UTRN: variants seen among roughly 807,000 people sequenced by gnomAD.
UTRN encodes utrophin, also known as dystrophin-related protein 1.
In UTRN, 283 loss-of-function variants were observed where a neutral mutation model predicts 463.9. That is an observed-to-expected ratio of 0.61 (90% confidence interval 0.55 to 0.67). UTRN has a LOEUF of 0.67. Among genes scored for constraint, UTRN ranks in the 30% least tolerant of loss-of-function variants. The pLI, the probability that UTRN is intolerant of heterozygous loss-of-function variation, is 0.00. For missense variants in UTRN, 3,922 were observed against 4,084.3 expected, an observed-to-expected ratio of 0.96 and a Z score of 1.08; for synonymous variants, 1,442 against 1,431.5, an observed-to-expected ratio of 1.01 and a Z score of -0.17.
At chr6:144,561,730 G>A (rs1396718715) in intron 50 of UTRN, among the ~76,000 whole-genome samples, 1 of 152,090 alleles carries the variant, frequency 6.6e-6, no homozygotes, top group Non-Finnish European at 1.5e-5. Flanking sequence ...TTCTAAAGTG[G>A]AGAACATGTC....
intron 1 of UTRN, among the ~76,000 whole-genome samples, chr6:144,288,614 G>C (rs1803906965): frequency 6.6e-6 from 1 of 151,178 alleles, no homozygotes; most frequent in Admixed American, 6.6e-5. Flanking sequence ...TTATGTACTT[G>C]AATGAAAGAA....
chr6:144,499,385 A>C lies in UTRN; in HGVS notation c.4722A>C (p.Glu1574Asp), dbSNP rs752157733. 1.2e-5 allele frequency: 19 copies of C among 1,611,922 alleles called. No individual in the cohort carries two copies. Among genetic ancestry groups the C allele is most frequent in the Non-Finnish European group, 1.5e-5 (18 of 1,178,478 alleles). The change falls in exon 34 of 75, where the codon GAA becomes GAC. Residue 1574 changes from glutamate (E) to aspartate (D), a missense_variant. Transcript: ENST00000367545. ...AATTGGTACAGAAGTCCACTTCAGAAGGTCTGCTTGGTGACTTGGATACAG... is the reference window on the plus strand; with the variant it reads ...AATTGGTACAGAAGTCCACTTCAGACGGTCTGCTTGGTGACTTGGATACAG... ...ETELVQKSTS[E>D]GLLGDLDTEI... is the part of the protein sequence containing the mutation.
At position 144,781,936 on chromosome 6, in the gene UTRN, T is replaced by A; in HGVS notation, c.8647T>A (p.Leu2883Met). ...CTCCTGGTTAGTGGATCTCTTAGAG[T>A]TGAGTACAACAAATGAAATTTTCAA... ...QKALCLDLLELSTTNEIFKQH... is the reference protein window; with the variant it reads ...QKALCLDLLEMSTTNEIFKQH... The change falls in exon 61 of 75, where the codon TTG becomes ATG. Residue 2883 changes from leucine (L) to methionine (M), a missense_variant. Leu to Met is a conservative substitution (Grantham distance 15). Coordinates refer to ENST00000367545, the MANE Select transcript of UTRN (RefSeq NM_007124.3). 1 of 1,613,608 alleles carries A rather than the reference T, an allele frequency of 6.2e-7. No homozygotes were observed. Among genetic ancestry groups the A allele is most frequent in the Non-Finnish European group, 8.5e-7 (1 of 1,179,808 alleles).
At chr6:144,734,018 G>A (rs748825785) in intron 54 of UTRN, among the ~76,000 whole-genome samples, 8 of 152,072 alleles carry the variant, frequency 5.3e-5, no homozygotes, top group Non-Finnish European at 4.4e-5. Flanking sequence ...GAGTAAATAA[G>A]AGGTATAAAG....
intron 51 of UTRN, among the ~76,000 whole-genome samples, chr6:144,630,174 C>T (rs1009491346): frequency 6.6e-6 from 1 of 151,978 alleles, no homozygotes; most frequent in African/African-American, 2.4e-5. Flanking sequence ...GGTGACAGAG[C>T]GAGACTCCAT....
Position 144,350,934 on chromosome 6 carries a change from G to A in UTRN, c.80-52189G>A, listed in dbSNP as rs145848888. Among the ~76,000 whole-genome samples, 175 of 152,180 alleles carry A rather than the reference G, an allele frequency of 1.1e-3. 1 individual carries two copies. In the East Asian group the frequency reaches 0.027, roughly 23 times the overall value. ...TCTTTTTTTGGCTGATATGGAAGAC[G>A]TCATCATCCCAAACTGTGCTGAGAC... is the stretch of plus-strand genomic sequence containing the variant. On this transcript the variant is annotated intron_variant, in intron 2 of 74. Transcript: ENST00000367545.
chr6:144,535,569 A>G (rs1465432034), intron 43 of UTRN, among the ~76,000 whole-genome samples: 2 of 152,218 alleles, frequency 1.3e-5, no homozygotes, highest in Admixed American at 6.5e-5. Flanking sequence ...CTCTTCCCCA[A>G]CAGCTTATAT....
chr6:144,548,522 G>A (rs989141671), intron 46 of UTRN, 118 bp from the exon 47 acceptor site: 19 of 932,646 alleles, frequency 2.0e-5, no homozygotes, highest in Admixed American at 8.6e-5. Context: ...TAACCTCTTA[G>A]AATTTTTTTT....
At chr6:144,566,634 T>C (rs1168290025) in intron 50 of UTRN, among the ~76,000 whole-genome samples, 2 of 152,130 alleles carry the variant, frequency 1.3e-5, no homozygotes, top group Non-Finnish European at 2.9e-5. Flanking sequence ...CACTTCCTCA[T>C]TGAGGCAGTG....
intron 53 of UTRN, 22 bp downstream of exon 53, chr6:144,700,265 A>G (rs373467852): frequency 6.3e-7 from 1 of 1,588,096 alleles, no homozygotes; most frequent in African/African-American, 1.3e-5. Context: ...ACCTATAGTG[A>G]GTCGCTTAAT....
chr6:144,826,987 T>C (rs1306153378), intron 66 of UTRN, among the ~76,000 whole-genome samples: 1 of 152,218 alleles, frequency 6.6e-6, no homozygotes, highest in East Asian at 1.9e-4. Flanking sequence ...AACAAAAATA[T>C]GATTGCATCC....
chr6:144,849,937 ACTT>A (rs1782343612), intron 74 of UTRN, among the ~76,000 whole-genome samples: 1 of 152,118 alleles, frequency 6.6e-6, no homozygotes, highest in African/African-American at 2.4e-5. Context: ...TCCTCAAACC[ACTT>A]CTTTGAATTT....
At position 144,533,147 on chromosome 6, in the gene UTRN, T is replaced by C. The variant is rs1318315286; in HGVS notation, c.6120T>C (p.Asp2040=). 2 of 1,613,962 alleles carry C rather than the reference T, an allele frequency of 1.2e-6. No individual in the cohort carries two copies. Among genetic ancestry groups the C allele is most frequent in the Non-Finnish European group, 1.7e-6 (2 of 1,179,988 alleles). ...TTGCAGCACTAAACCGAACTGGGGA[T>C]GGGATTGTGCAGAAACTCTCCCAGG... ...PSFAALNRTG[D]GIVQKLSQAD... The change falls in exon 43 of 75, where the codon GAT becomes GAC. Residue 2040 remains aspartate (D), a synonymous_variant. Coordinates refer to ENST00000367545, the MANE Select transcript of UTRN (RefSeq NM_007124.3).
chr6:144,559,006 A>G (rs1458231117), intron 50 of UTRN, among the ~76,000 whole-genome samples: 2 of 152,126 alleles, frequency 1.3e-5, no homozygotes, highest in African/African-American at 4.8e-5. Context: ...CAAAAATTCC[A>G]TGTATAAGAG....
rs1184176095 is a variant in UTRN, at chr6:144,304,441, AG to A, written c.79+12536del. On this transcript the variant is annotated intron_variant, in intron 2 of 74. Coordinates refer to ENST00000367545, the MANE Select transcript of UTRN (RefSeq NM_007124.3). ...CGACTGTCTGTCACCTAGAGAGGGC[AG>A]GTACACAGGAATTTAAGAAAACAGA... Among the ~76,000 whole-genome samples the A allele has an allele frequency of 3.3e-5, 5 of 152,340 alleles. No individual in the cohort carries two copies. In the East Asian group the frequency reaches 9.6e-4, roughly 29 times the overall value.
chr6:144,596,046 T>C (rs185267774), intron 51 of UTRN, among the ~76,000 whole-genome samples: 2 of 152,316 alleles, frequency 1.3e-5, no homozygotes, highest in African/African-American at 4.8e-5. Context: ...ATTATGCTTA[T>C]TTCTAAAAGC....
chr6:144,343,907 G>A (rs535579671), intron 2 of UTRN, among the ~76,000 whole-genome samples: 3 of 152,028 alleles, frequency 2.0e-5, no homozygotes, highest in African/African-American at 7.2e-5. Flanking sequence ...TGTCAAAACA[G>A]GAAGCAAAGT....
chr6:144,295,450 C>T (rs915905444), intron 2 of UTRN, among the ~76,000 whole-genome samples: 3 of 152,218 alleles, frequency 2.0e-5, no homozygotes, highest in African/African-American at 7.2e-5. Context: ...GGATTATAGA[C>T]TCTCAGCTGG....
chr6:144,479,701 A>G, intron 25 of UTRN, 111 bp from the exon 26 acceptor site: 4 of 1,246,814 alleles, frequency 3.2e-6, no homozygotes, highest in Admixed American at 2.4e-5. Context: ...ATTTTAAAGC[A>G]TGCAATTCGT....
Sources: allele counts gnomAD v4.1 joint callset (sites outside exome capture counted in the v4.1 genomes callset), GRCh38; gene constraint gnomAD v4.1.1; transcripts MANE v1.5; gene names NCBI Gene and HGNC (gene_info 2026-07-23, HGNC 2026-07-21).